The following SFPQ variants were observed in gnomAD, a reference collection of about 807,000 sequenced individuals.
SFPQ encodes the protein splicing factor proline and glutamine rich.
In SFPQ, 11 loss-of-function variants were observed where a neutral mutation model predicts 72.9. The observed-to-expected ratio is 0.15, with a 90% CI of 0.09 to 0.25. SFPQ has a LOEUF of 0.25. Among genes scored for constraint, SFPQ ranks in the 10% least tolerant of loss-of-function variants. The pLI is 1.00. For missense variants in SFPQ, 847 were observed against 993.3 expected (o/e 0.85, Z 1.98); for synonymous variants, 506 against 367.3 (o/e 1.38, Z -4.32).
chr1:35,178,516 A>T (rs1639338318), downstream of SFPQ: 3 of 1,061,972 alleles, frequency 2.8e-6, no homozygotes, highest in South Asian at 1.4e-4. Context: ...CACAGTACAC[A>T]ACGCTGTAGT....
downstream of SFPQ, chr1:35,179,095 T>A: frequency 9.5e-7 from 1 of 1,057,220 alleles, no homozygotes; most frequent in Non-Finnish European, 1.1e-6. Flanking sequence ...CTAGCTGACA[T>A]CACTAAAACA....
chr1:35,191,936 G>T (rs1022515894), intron 1 of SFPQ, among the ~76,000 whole-genome samples: 3 of 152,152 alleles, frequency 2.0e-5, no homozygotes, highest in African/African-American at 7.2e-5. Context: ...TCTGCATTAC[G>T]CCAGTCCCAG....
At chr1:35,188,400 A>C (rs999388730) in intron 6 of SFPQ, among the ~76,000 whole-genome samples, 1 of 152,260 alleles carries the variant, frequency 6.6e-6, no homozygotes, top group Non-Finnish European at 1.5e-5. Flanking sequence ...ATGTTAGTGC[A>C]TAAGTCAAGG....
In SFPQ at chr1:35,182,979, G is replaced by A. The variant is rs1639534045; in HGVS notation, c.*1477C>T. ...GGTGGGAGGAAGGGATATTTGTACT[G>A]TGTAGCATGAGCAACTTTCTCCAGA... On this transcript the variant is annotated 3_prime_UTR_variant, in exon 10 of 10. Coordinates refer to ENST00000357214, the MANE Select transcript of SFPQ (RefSeq NM_005066.3). The A allele has an allele frequency of 1.9e-6, 2 of 1,041,636 alleles. No homozygotes were observed. Among genetic ancestry groups the A allele is most frequent in the African/African-American group, 1.7e-5 (1 of 59,836 alleles). 64.5% of individuals were successfully genotyped at this position (1,041,636 alleles called of 1,614,324 possible).
downstream of SFPQ, chr1:35,181,667 G>A (rs887103401): frequency 9.4e-7 from 1 of 1,060,366 alleles, no homozygotes; most frequent in East Asian, 5.2e-5. Context: ...AAAATTATGA[G>A]AAAGTGGAGA....
rs748636249 is a variant in SFPQ, at chr1:35,191,039, G to A, written c.1018-44C>T. ...CATGTTAATGACCTCAAAATTGGAT[G>A]ATGTCTACTCTTAAATTGTCATAGG... On this transcript the variant is annotated intron_variant, in intron 2 of 9. Coordinates refer to ENST00000357214, the MANE Select transcript of SFPQ (RefSeq NM_005066.3). The A allele has an allele frequency of 6.0e-6, 9 of 1,512,436 alleles. No homozygotes were observed. In the South Asian group the frequency reaches 8.3e-5, roughly 14 times the overall value. The allele number at this position is 1,512,436 out of a possible 1,614,324, so 93.7% of individuals were successfully genotyped here.
Position 35,192,327 on chromosome 1 carries a change from G to C in SFPQ, c.723C>G (p.Pro241=), listed in dbSNP as rs951921490. Reference sequence around the variant, plus strand: ...GCGGGTGGTGCTGGCGGCCCCCGCGGGGCTCCCCGCCGCCTCGATGCGGCG... The same window carrying C: ...GCGGGTGGTGCTGGCGGCCCCCGCGCGGCTCCCCGCCGCCTCGATGCGGCG... ...PKPPHRGGGE[P]RGGRQHHPPY... The change falls in exon 1 of 10, where the codon CCC becomes CCG. Residue 241 remains proline (P), a synonymous_variant. Transcript: ENST00000357214. 1.4e-6 allele frequency: 2 copies of C among 1,417,096 alleles called. No homozygotes were observed. The highest frequency in any genetic ancestry group is 7.0e-5 in the Admixed American group (2 of 28,434). 87.8% of individuals were successfully genotyped at this position (1,417,096 alleles called of 1,614,324 possible).
chr1:35,184,331 TATTAG>T lies in SFPQ; in HGVS notation c.*120_*124del. On this transcript the variant is annotated 3_prime_UTR_variant, in exon 10 of 10. Transcript: ENST00000357214. Reference sequence around the variant, plus strand: ...CCTGCCCAAACAGACCATTTACAAATATTAGGTCAATAAACTGCTAACATCCATAA... The same window carrying T: ...CCTGCCCAAACAGACCATTTACAAATGTCAATAAACTGCTAACATCCATAA... 1.3e-6 allele frequency: 2 copies of T among 1,511,342 alleles called. No individual in the cohort carries two copies. Among genetic ancestry groups the T allele is most frequent in the South Asian group, 2.7e-5 (2 of 74,592 alleles). The allele number at this position is 1,511,342 out of a possible 1,614,324, so 93.6% of individuals were successfully genotyped here.
At chr1:35,179,840 A>C, downstream of SFPQ, 1 of 1,053,830 alleles carries the variant, frequency 9.5e-7, no homozygotes, top group South Asian at 4.6e-5. Context: ...TCACTAAACC[A>C]CGGCAGCAAG....
intron 9 of SFPQ, 26 bp downstream of exon 9, chr1:35,186,975 G>A (rs755782425): frequency 1.3e-6 from 2 of 1,596,358 alleles, no homozygotes; most frequent in African/African-American, 1.3e-5. Context: ...AATTTCCTTG[G>A]TACTACGTCC....
In SFPQ at chr1:35,191,350, A is replaced by G. The variant is rs1328586203; in HGVS notation, c.1008T>C (p.Phe336=). Residue 336 remains phenylalanine, a synonymous_variant, in exon 2 of 10, where the codon TTT becomes TTC. Transcript: ENST00000357214. ...VFINKGKGFG[F]IKLESRALAE... Reference sequence around the variant, plus strand: ...AAACAATTACACTCACAAGCTTAATAAATCCGAATCCTTTGCCTTTGTTGA... The same window carrying G: ...AAACAATTACACTCACAAGCTTAATGAATCCGAATCCTTTGCCTTTGTTGA... The G allele has an allele frequency of 6.2e-7, 1 of 1,613,546 alleles. No individual in the cohort carries two copies. Among genetic ancestry groups the G allele is most frequent in the African/African-American group, 1.3e-5 (1 of 74,926 alleles).
chr1:35,180,429 C>T (rs1639419484), downstream of SFPQ: 3 of 1,047,578 alleles, frequency 2.9e-6, no homozygotes, highest in Non-Finnish European at 2.3e-6. Flanking sequence ...ACAGAAACGA[C>T]GATGTCTTAT....
chr1:35,186,731 C>A (rs935622934), intron 9 of SFPQ, among the ~76,000 whole-genome samples: 1 of 152,114 alleles, frequency 6.6e-6, no homozygotes, highest in Admixed American at 6.5e-5. Flanking sequence ...TCAAAAGCAC[C>A]TAAATCTACT....
Position 35,190,620 on chromosome 1 carries a change from G to A in SFPQ, c.1320-27C>T, listed in dbSNP as rs150188690. On this transcript the variant is annotated intron_variant, in intron 3 of 9. Transcript: ENST00000357214. ...TAATAACAAAAATGGTTCCATCTTA[G>A]CTTTGTTCCAGTTTTATTGCCACCA... The A allele has an allele frequency of 5.3e-5, 85 of 1,608,026 alleles. No individual in the cohort carries two copies. The African/African-American group carries it at 8.5e-4, about 16-fold the overall frequency.
rs188729830 is a variant in SFPQ at position 35,183,688 on chromosome 1, A to G, written c.*768T>C. 4.1e-5 allele frequency: 43 copies of G among 1,041,658 alleles called. No individual in the cohort carries two copies. In the East Asian group the frequency reaches 2.3e-3, roughly 55 times the overall value. 64.5% of individuals were successfully genotyped at this position (1,041,658 alleles called of 1,614,324 possible). The stretch of plus-strand genomic sequence containing the variant: ...ATTTGTTGGTCTTTTAAAAACAAGA[A>G]ATGGGGAAATGCAACAAAATGACCT... On this transcript the variant is annotated 3_prime_UTR_variant, in exon 10 of 10. Transcript: ENST00000357214.
chr1:35,188,696 C>T (rs1027602251), intron 6 of SFPQ, among the ~76,000 whole-genome samples: 6 of 152,150 alleles, frequency 3.9e-5, no homozygotes, highest in Non-Finnish European at 8.8e-5. Flanking sequence ...GCGGCTCATG[C>T]CTGTAATCCT....
downstream of SFPQ, chr1:35,180,903 T>C: frequency 1.0e-6 from 1 of 985,298 alleles, no homozygotes; most frequent in Non-Finnish European, 1.2e-6. Flanking sequence ...GAGTCAGATA[T>C]ACCAAAGAAT....
intron 4 of SFPQ, among the ~76,000 whole-genome samples, chr1:35,189,792 T>C (rs969871715): frequency 2.0e-5 from 3 of 151,838 alleles, no homozygotes; most frequent in African/African-American, 4.8e-5. Flanking sequence ...CCACTAAATA[T>C]ACAAAAAATT....
chr1:35,187,160 T>C (rs2148617529), intron 8 of SFPQ, 38 bp from the exon 9 acceptor site: 1 of 1,614,056 alleles, frequency 6.2e-7, no homozygotes, highest in South Asian at 1.1e-5. Context: ...TCCACCAGGA[T>C]ACTACTCTCT....
Sources: gnomAD v4.1 joint callset for allele counts (sites outside exome capture counted in the v4.1 genomes callset) on GRCh38, gnomAD v4.1.1 for gene constraint, MANE v1.5 for transcripts, NCBI Gene and HGNC (gene_info 2026-07-23, HGNC 2026-07-21) for gene names.